HIKESHI: variants seen among roughly 807,000 people sequenced by gnomAD.
HIKESHI encodes the protein heat shock protein nuclear import factor hikeshi.
In HIKESHI, 13 loss-of-function variants were observed where a neutral mutation model predicts 25.7. The observed-to-expected ratio is 0.51, with a 90% CI of 0.33 to 0.80. The LOEUF is 0.80. HIKESHI is among the 30% of genes least tolerant of loss of function. The probability of loss-of-function intolerance (pLI) is 0.02; values close to 1 mark genes in which losing one functional copy is unlikely to be tolerated. For synonymous variants in HIKESHI, 76 were observed against 78.7 expected, an observed-to-expected ratio of 0.97 and a Z score of 0.18; for missense variants, 174 against 229.5, an observed-to-expected ratio of 0.76 and a Z score of 1.56.
At chr11:86,332,331 A>G (rs766978558) in intron 2 of HIKESHI, among the ~76,000 whole-genome samples, 1 of 152,002 alleles carries the variant, frequency 6.6e-6, no homozygotes, top group African/African-American at 2.4e-5. Context: ...CAACCAGTGG[A>G]CTTTTAATTT....
At chr11:86,304,508 C>T (rs1184373188) in intron 1 of HIKESHI, among the ~76,000 whole-genome samples, 1 of 147,578 alleles carries the variant, frequency 6.8e-6, no homozygotes, top group East Asian at 2.0e-4. Context: ...AGTTGCACAA[C>T]TCACTTTTTT....
chr11:86,344,683 A>C lies in HIKESHI; in HGVS notation c.501A>C (p.Pro167=), dbSNP rs368044577. Residue 167 remains proline, a synonymous_variant, in exon 4 of 5, where the codon CCA becomes CCC. Transcript: ENST00000278483. ...AVSQAQMTPS[P]SEMFIPANVV... ...CTCAGGCCCAGATGACACCAAGCCC[A>C]TCTGAAATGTTCATTCCGGCAAATG... 5 of 1,611,982 alleles carry C rather than the reference A, an allele frequency of 3.1e-6. No homozygotes were observed. Among genetic ancestry groups the C allele is most frequent in the Non-Finnish European group, 3.4e-6 (4 of 1,178,216 alleles).
intron 3 of HIKESHI, among the ~76,000 whole-genome samples, chr11:86,339,683 A>C (rs767230164): frequency 1.2e-4 from 18 of 152,132 alleles, no homozygotes; most frequent in Non-Finnish European, 2.2e-4. Context: ...CATGTTTCTA[A>C]TTTAATTACT....
At chr11:86,331,964 C>G (rs899144013) in intron 2 of HIKESHI, among the ~76,000 whole-genome samples, 1 of 151,022 alleles carries the variant, frequency 6.6e-6, no homozygotes, top group African/African-American at 2.4e-5. Context: ...CTTCCTTTTG[C>G]CATAACTGTT....
intron 4 of HIKESHI, chr11:86,345,061 G>T (rs1947836984): frequency 2.0e-6 from 2 of 982,414 alleles, no homozygotes; most frequent in South Asian, 4.9e-5. Flanking sequence ...AATGGCTAAT[G>T]AATCTATTTT....
At position 86,302,279 on chromosome 11, in the gene HIKESHI, A is replaced by G. The variant is rs1946512230; in HGVS notation, c.-170A>G. ...GGGCTGCTTAGGAAGAGAAGGTCAG[A>G]GTTCGCGGGGGCAGAGGCATTCTTG... On this transcript the variant is annotated 5_prime_UTR_variant, in exon 1 of 5. Transcript: ENST00000278483. 1.4e-6 allele frequency: 1 copy of G among 725,124 alleles called. No homozygotes were observed. Among genetic ancestry groups the G allele is most frequent in the African/African-American group, 1.7e-5 (1 of 57,418 alleles). 44.9% of individuals were successfully genotyped at this position (725,124 alleles called of 1,614,324 possible).
At chr11:86,317,894 A>C (rs1224783164) in intron 2 of HIKESHI, among the ~76,000 whole-genome samples, 1 of 152,248 alleles carries the variant, frequency 6.6e-6, no homozygotes, top group Non-Finnish European at 1.5e-5. Flanking sequence ...AGTTTCAAAT[A>C]AAATTTATAA....
At chr11:86,318,948 A>G (rs1209288511) in intron 2 of HIKESHI, among the ~76,000 whole-genome samples, 2 of 152,008 alleles carry the variant, frequency 1.3e-5, no homozygotes, top group African/African-American at 4.8e-5. Flanking sequence ...ACAGGATCTT[A>G]CTCTGTTTTC....
At chr11:86,311,304 A>C (rs1315660301) in intron 2 of HIKESHI, among the ~76,000 whole-genome samples, 1 of 152,012 alleles carries the variant, frequency 6.6e-6, no homozygotes, top group Non-Finnish European at 1.5e-5. Context: ...TGTATGTGTC[A>C]AGGAATTTAT....
At chr11:86,341,910 ATTATT>A (rs1389111716) in intron 3 of HIKESHI, among the ~76,000 whole-genome samples, 3 of 152,194 alleles carry the variant, frequency 2.0e-5, no homozygotes, top group African/African-American at 4.8e-5. Context: ...TTCACTCAAC[ATTATT>A]TTAAAGATTT....
chr11:86,309,578 G>T (rs752073049), intron 2 of HIKESHI, among the ~76,000 whole-genome samples: 30 of 152,232 alleles, frequency 2.0e-4, no homozygotes, highest in Non-Finnish European at 1.9e-4. Context: ...AGTTTAATTA[G>T]ATCCCATTTG....
At chr11:86,311,521 C>T (rs535337374) in intron 2 of HIKESHI, among the ~76,000 whole-genome samples, 1 of 152,220 alleles carries the variant, frequency 6.6e-6, no homozygotes, top group East Asian at 1.9e-4. Flanking sequence ...CTCCTGGATT[C>T]ATTGATTTTC....
chr11:86,327,884 A>C (rs1335039347), intron 2 of HIKESHI, among the ~76,000 whole-genome samples: 1 of 152,220 alleles, frequency 6.6e-6, no homozygotes, highest in Non-Finnish European at 1.5e-5. Context: ...TAGAAGTGGA[A>C]CTAAGTTCCT....
At chr11:86,327,569 C>T (rs1000698952) in intron 2 of HIKESHI, among the ~76,000 whole-genome samples, 8 of 152,096 alleles carry the variant, frequency 5.3e-5, no homozygotes, top group Admixed American at 3.9e-4. Context: ...TCGCCTTGGC[C>T]TCTCAAAGTG....
At chr11:86,329,399 A>G (rs1376944) in intron 2 of HIKESHI, among the ~76,000 whole-genome samples, 3 of 151,840 alleles carry the variant, frequency 2.0e-5, no homozygotes, top group Non-Finnish European at 2.9e-5. Context: ...TAGAAGTACA[A>G]TTGATTTTTG....
chr11:86,326,721 T>G, intron 2 of HIKESHI: 1 of 350,326 alleles, frequency 2.9e-6, no homozygotes, highest in East Asian at 7.7e-5. Context: ...GAATCACACT[T>G]GGAGGTGATT....
chr11:86,345,036 T>C (rs1947836581), intron 4 of HIKESHI: 2 of 768,156 alleles, frequency 2.6e-6, no homozygotes, highest in Non-Finnish European at 3.5e-6. Context: ...TAGTTTATAC[T>C]GCACTGTGTA....
chr11:86,316,633 T>G (rs1041127828), intron 2 of HIKESHI, among the ~76,000 whole-genome samples: 1 of 152,066 alleles, frequency 6.6e-6, no homozygotes. Context: ...TATAAATCAG[T>G]TTATATAAGT....
chr11:86,338,240 C>G (rs1565742133), intron 3 of HIKESHI, among the ~76,000 whole-genome samples: 3 of 152,154 alleles, frequency 2.0e-5, no homozygotes, highest in South Asian at 2.1e-4. Context: ...GTAAGTTCAA[C>G]TTTTAGATTC....
Sources: gnomAD v4.1 joint callset for allele counts (sites outside exome capture counted in the v4.1 genomes callset) on GRCh38, gnomAD v4.1.1 for gene constraint, MANE v1.5 for transcripts, NCBI Gene and HGNC (gene_info 2026-07-23, HGNC 2026-07-21) for gene names.